Variants in CD46 observed in about 807,000 individuals in gnomAD.
CD46 encodes CD46 molecule, also known as membrane cofactor protein.
CD46 carries 30 observed loss-of-function variants against 53.3 expected under a neutral mutation model. That is an observed-to-expected ratio of 0.56 (90% confidence interval 0.42 to 0.76). CD46 has a LOEUF of 0.76. Ranked by LOEUF, CD46 falls within the 30% of genes least tolerant of loss-of-function variation. The pLI is 0.00. For missense variants in CD46, 409 were observed against 463.0 expected (o/e 0.88, Z 1.07); for synonymous variants, 142 against 152.0 (o/e 0.93, Z 0.48).
rs773780849 is a variant in CD46 at position 207,752,476 on chromosome 1, A to T, written c.97+167A>T. 1.3e-5 allele frequency among the ~76,000 whole-genome samples: 2 copies of T among 151,942 alleles called. No individual in the cohort carries two copies. The highest frequency in any genetic ancestry group is 1.5e-5 in the Non-Finnish European group (1 of 67,970). ...GGGGTATGTGGCGGGGAATGCGGGGACCACGCAGAGCCCGAGGTGAAGCTT... is the reference window on the plus strand; with the variant it reads ...GGGGTATGTGGCGGGGAATGCGGGGTCCACGCAGAGCCCGAGGTGAAGCTT... On this transcript the variant is annotated intron_variant, in intron 1 of 12. Transcript: ENST00000367042. The surrounding 1 kb of genome is among the most constrained non-coding windows in gnomAD (Gnocchi z 4.1).
chr1:207,791,279 A>G (rs1659778712), intron 12 of CD46, among the ~76,000 whole-genome samples: 1 of 152,070 alleles, frequency 6.6e-6, no homozygotes, highest in Admixed American at 6.5e-5. Flanking sequence ...TCTCTTAAGC[A>G]TGTATACCTA....
At chr1:207,763,428 G>A (rs1360895182) in intron 5 of CD46, among the ~76,000 whole-genome samples, 2 of 152,220 alleles carry the variant, frequency 1.3e-5, no homozygotes, top group Non-Finnish European at 2.9e-5. Flanking sequence ...GCAGGCCAGA[G>A]GCTGGTCTCA....
chr1:207,758,452 C>T (rs1393574115), intron 3 of CD46, among the ~76,000 whole-genome samples: 1 of 152,088 alleles, frequency 6.6e-6, no homozygotes, highest in South Asian at 2.1e-4. Flanking sequence ...AGGGGGTTCT[C>T]GCTTTATAAC....
intron 11 of CD46, among the ~76,000 whole-genome samples, chr1:207,787,611 C>A (rs1389785727): frequency 1.3e-5 from 2 of 152,258 alleles, no homozygotes; most frequent in East Asian, 3.9e-4. Flanking sequence ...AGTAGCACAA[C>A]TTGAGGAAAA....
At chr1:207,778,074 C>T (rs1422888874) in intron 8 of CD46, among the ~76,000 whole-genome samples, 1 of 152,004 alleles carries the variant, frequency 6.6e-6, no homozygotes, top group Non-Finnish European at 1.5e-5. Context: ...GTTTTTTGGC[C>T]ACATATATGT....
intron 8 of CD46, among the ~76,000 whole-genome samples, chr1:207,773,832 T>C (rs1432623115): frequency 1.3e-5 from 2 of 152,212 alleles, no homozygotes; most frequent in African/African-American, 4.8e-5. Flanking sequence ...ATAAGTGCGA[T>C]GTGGTGCTGA....
At chr1:207,776,663 CTG>C (rs758412011) in intron 8 of CD46, among the ~76,000 whole-genome samples, 18 of 152,242 alleles carry the variant, frequency 1.2e-4, no homozygotes, top group Admixed American at 5.9e-4. Context: ...GGGTCTCACT[CTG>C]TTGCCCAGGC....
At chr1:207,780,138 C>T (rs1247602321) in intron 8 of CD46, among the ~76,000 whole-genome samples, 1 of 152,018 alleles carries the variant, frequency 6.6e-6, no homozygotes, top group Non-Finnish European at 1.5e-5. Flanking sequence ...TCATCCCACA[C>T]TGAATCTCTA....
intron 3 of CD46, among the ~76,000 whole-genome samples, chr1:207,759,322 G>A (rs1379625093): frequency 6.6e-6 from 1 of 152,212 alleles, no homozygotes; most frequent in African/African-American, 2.4e-5. Context: ...TGTCCTTACT[G>A]TGCAAAGTGG....
At chr1:207,757,690 T>A (rs1327904999) in intron 3 of CD46, 48 bp downstream of exon 3, 1 of 1,208,880 alleles carries the variant, frequency 8.3e-7, no homozygotes, top group African/African-American at 1.5e-5. Context: ...TAATTTTATT[T>A]TTGTTTTGCT....
intron 7 of CD46, 189 bp downstream of exon 7, chr1:207,768,012 A>G (rs1657058303): frequency 3.4e-6 from 2 of 594,412 alleles, no homozygotes; most frequent in African/African-American, 3.7e-5. Context: ...TGATATAAAC[A>G]GGAATATGAC....
At chr1:207,769,530 GGTATAGCTTA>G (rs1657236881) in intron 7 of CD46, 2 of 152,070 alleles carry the variant, frequency 1.3e-5, no homozygotes, top group Admixed American at 6.5e-5. Context: ...ATAAAACACT[GGTATAGCTTA>G]GTGTTGGAGA....
intron 8 of CD46, among the ~76,000 whole-genome samples, chr1:207,782,740 C>T (rs1268641066): frequency 8.1e-5 from 12 of 148,354 alleles, no homozygotes; most frequent in African/African-American, 2.0e-4. Context: ...CTCCGCCTCC[C>T]GGGTTCAAGC....
At chr1:207,761,563 G>A in intron 5 of CD46, 117 bp downstream of exon 5, 1 of 816,760 alleles carries the variant, frequency 1.2e-6, no homozygotes, top group South Asian at 1.5e-5. Flanking sequence ...TGTATAATTG[G>A]TTTCTAATTT....
intron 8 of CD46, among the ~76,000 whole-genome samples, chr1:207,776,172 G>T (rs796734274): frequency 3.3e-5 from 5 of 152,232 alleles, no homozygotes; most frequent in Non-Finnish European, 7.3e-5. Context: ...CGTGGGACCT[G>T]CCAAGCCATG....
At chr1:207,788,360 C>CAAAAAAAAAA (rs1205954774) in intron 11 of CD46, among the ~76,000 whole-genome samples, 1 of 80,096 alleles carries the variant, frequency 1.2e-5, no homozygotes, top group African/African-American at 4.0e-5. Flanking sequence ...ACTAAAAATA[C>CAAAAAAAAAA]AAAAAAAAAA....
chr1:207,775,527 T>C (rs1326362839), intron 8 of CD46, among the ~76,000 whole-genome samples: 3 of 151,416 alleles, frequency 2.0e-5, no homozygotes, highest in Non-Finnish European at 4.4e-5. Context: ...CTACCTTTTG[T>C]CTTTGATGGG....
At chr1:207,766,915 C>A in intron 5 of CD46, 98 bp from the exon 6 acceptor site, 1 of 896,244 alleles carries the variant, frequency 1.1e-6, no homozygotes, top group Non-Finnish European at 1.8e-6. Context: ...TCTTGCATTC[C>A]ATTCCTTGTC....
intron 11 of CD46, among the ~76,000 whole-genome samples, chr1:207,789,408 A>C (rs1659580402): frequency 6.6e-6 from 1 of 152,178 alleles, no homozygotes; most frequent in Non-Finnish European, 1.5e-5. Flanking sequence ...GACATGGGGC[A>C]AAAAAAGGAT....
Sources: allele counts gnomAD v4.1 joint callset (sites outside exome capture counted in the v4.1 genomes callset), GRCh38; gene constraint gnomAD v4.1.1; non-coding constraint Gnocchi (gnomAD v3.1); transcripts MANE v1.5; gene names NCBI Gene and HGNC (gene_info 2026-07-23, HGNC 2026-07-21).